KRT73: variants seen among roughly 807,000 people sequenced by gnomAD.
The protein encoded by KRT73 is keratin, type II cytoskeletal 73.
KRT73 carries 44 observed loss-of-function variants against 47.2 expected under a neutral mutation model. The ratio of observed to expected loss-of-function variants is 0.93; its 90% CI spans 0.73 to 1.20. The LOEUF (loss-of-function observed/expected upper bound fraction) is 1.20. KRT73 is among the 50% of genes most tolerant of loss of function. The probability of loss-of-function intolerance (pLI) is 0.00; values close to 1 mark genes in which losing one functional copy is unlikely to be tolerated. For missense variants in KRT73, 713 were observed against 704.5 expected, an observed-to-expected ratio of 1.01 and a Z score of -0.14; for synonymous variants, 285 against 291.3, an observed-to-expected ratio of 0.98 and a Z score of 0.22.
In KRT73 at chr12:52,618,064, C is replaced by T; in HGVS notation, c.447+14G>A. On this transcript the variant is annotated intron_variant, in intron 1 of 8. Coordinates refer to ENST00000305748, the MANE Select transcript of KRT73 (RefSeq NM_175068.3). ...AAGGGGAGCCCAAGATCAGCTTTCT[C>T]CAGAAAGACCCACCTTGTCAATGAA... is the stretch of plus-strand genomic sequence containing the variant. 1.9e-6 allele frequency: 3 copies of T among 1,612,216 alleles called. No homozygotes were observed. The highest frequency in any genetic ancestry group is 1.1e-5 in the South Asian group (1 of 90,708).
upstream of KRT73, among the ~76,000 whole-genome samples, chr12:52,620,491 G>A (rs1940889116): frequency 6.6e-6 from 1 of 152,150 alleles, no homozygotes. Context: ...TAGTATTCCA[G>A]CCAGAATCAC....
In KRT73 at chr12:52,616,330, C is replaced by A. The variant is rs151331642; in HGVS notation, c.498G>T (p.Leu166=). ...QNQVLETKWE[L]LQQLDLNNCK... ...AGTTGTTCAGGTCCAGCTGCTGTAG[C>A]AGCTCCCACTTGGTCTCCAGCACCT... The change falls in exon 2 of 9, where the codon CTG becomes CTT. Residue 166 remains leucine, a synonymous_variant. Coordinates refer to ENST00000305748, the MANE Select transcript of KRT73 (RefSeq NM_175068.3). 1.2e-6 allele frequency: 2 copies of A among 1,614,208 alleles called. No homozygotes were observed. The highest frequency in any genetic ancestry group is 1.7e-6 in the Non-Finnish European group (2 of 1,180,044).
chr12:52,624,138 A>AAAAAG, the KRT73 span, among the ~76,000 whole-genome samples: 42 of 152,240 alleles, frequency 2.8e-4, 1 homozygote, highest in East Asian at 7.5e-3. Flanking sequence ...AAGCAAAAAA[A>AAAAAG]TTATGAGACA....
At chr12:52,624,953 C>CA in the KRT73 span, among the ~76,000 whole-genome samples, 1 of 144,506 alleles carries the variant, frequency 6.9e-6, no homozygotes, top group Non-Finnish European at 1.5e-5. Flanking sequence ...AAAAATAAAA[C>CA]AAAAAATCTT....
intron 6 of KRT73, 30 bp downstream of exon 6, chr12:52,611,174 G>A: frequency 6.2e-7 from 1 of 1,613,374 alleles, no homozygotes; most frequent in Middle Eastern, 1.7e-4. Context: ...TCCCTTAGGA[G>A]TGAGTAAGGA....
rs749593083 is a variant in KRT73 at position 52,610,667 on chromosome 12, G to C, written c.1279C>G (p.Leu427Val). 3.7e-6 allele frequency: 6 copies of C among 1,613,566 alleles called. No homozygotes were observed. In the Admixed American group the frequency reaches 5.0e-5, roughly 13 times the overall value. ...YQELLSVKLS[L>V]DIEIATYRKL... ...CGGTAGGTGGCGATCTCAATATCCA[G>C]GGACAGCTTCACGCTCAAAAGCTCT... The change falls in exon 7 of 9, where the codon CTG becomes GTG. Residue 427 changes from leucine to valine, a missense_variant. Physicochemically the swap from Leu to Val is conservative, Grantham distance 32. Transcript: ENST00000305748.
At chr12:52,620,221 C>T (rs1244397957), upstream of KRT73, among the ~76,000 whole-genome samples, 2 of 141,884 alleles carry the variant, frequency 1.4e-5, no homozygotes, top group East Asian at 4.3e-4. Flanking sequence ...TCAAGGGATT[C>T]TCCTGCCTCA....
At chr12:52,608,741 C>T (rs940041453) in intron 8 of KRT73, among the ~76,000 whole-genome samples, 33 of 152,316 alleles carry the variant, frequency 2.2e-4, no homozygotes, top group African/African-American at 7.5e-4. Flanking sequence ...CCAGCAGGTT[C>T]TTGCATTTAG....
chr12:52,629,858 C>T, the KRT73 span, among the ~76,000 whole-genome samples: 1 of 152,162 alleles, frequency 6.6e-6, no homozygotes, highest in Non-Finnish European at 1.5e-5. Context: ...TCAATCTGTT[C>T]CCCTTGCTCA....
In KRT73 at chr12:52,618,508, G is replaced by A; in HGVS notation, c.17C>T (p.Thr6Ile). The A allele has an allele frequency of 6.2e-7, 1 of 1,602,476 alleles. No homozygotes were observed. Among genetic ancestry groups the A allele is most frequent in the Non-Finnish European group, 8.5e-7 (1 of 1,173,694 alleles). MSRQF[T>I]YKSGAAAKGG... The stretch of plus-strand genomic sequence containing the variant: ...CTTGGCAGCAGCTCCCGACTTGTAG[G>A]TGAATTGGCGGCTCATGGTGGGGAG... The change falls in exon 1 of 9, where the codon ACC (threonine) becomes ATC (isoleucine). Residue 6 changes from threonine (T) to isoleucine (I), a missense_variant. Coordinates refer to ENST00000305748, the MANE Select transcript of KRT73 (RefSeq NM_175068.3).
the KRT73 span, among the ~76,000 whole-genome samples, chr12:52,625,304 G>T: frequency 6.6e-6 from 1 of 152,122 alleles, no homozygotes; most frequent in Admixed American, 6.5e-5. Flanking sequence ...AACAACAAAA[G>T]AACAAGCAAT....
At chr12:52,614,422 G>T in intron 4 of KRT73, 157 bp downstream of exon 4, 3 of 588,298 alleles carry the variant, frequency 5.1e-6, no homozygotes, top group Non-Finnish European at 5.9e-6. Context: ...GGGGCACCAG[G>T]ATAGATGGCC....
intron 6 of KRT73, 183 bp from the exon 7 acceptor site, chr12:52,611,018 C>A: frequency 1.1e-6 from 1 of 940,486 alleles, no homozygotes. Context: ...GGCCCCACAG[C>A]TTTATGAAAA....
the KRT73 span, among the ~76,000 whole-genome samples, chr12:52,625,568 C>T: frequency 6.6e-6 from 1 of 152,046 alleles, no homozygotes; most frequent in Non-Finnish European, 1.5e-5. Context: ...CTCTGGAAAA[C>T]AGTTTAGCAG....
intron 3 of KRT73, 37 bp downstream of exon 3, chr12:52,615,242 G>T (rs773155782): frequency 8.1e-5 from 129 of 1,583,634 alleles, no homozygotes; most frequent in Middle Eastern, 1.7e-4. Flanking sequence ...AGCACCCACT[G>T]CTGGGGGACT....
intron 1 of KRT73, 65 bp from the exon 2 acceptor site, chr12:52,616,445 C>A: frequency 6.3e-7 from 1 of 1,589,032 alleles, no homozygotes; most frequent in Non-Finnish European, 8.6e-7. Context: ...CCTTCCTGGA[C>A]AGGAACTGTG....
At chr12:52,624,068 T>G in the KRT73 span, among the ~76,000 whole-genome samples, 1 of 151,956 alleles carries the variant, frequency 6.6e-6, no homozygotes, top group Non-Finnish European at 1.5e-5. Flanking sequence ...CTATATGCTA[T>G]CTCCAAAAAC....
chr12:52,629,391 C>T, the KRT73 span, among the ~76,000 whole-genome samples: 12 of 138,848 alleles, frequency 8.6e-5, no homozygotes, highest in East Asian at 2.5e-3. Context: ...GCCCTGAAGG[C>T]AGGGTCTCCC....
In KRT73 at chr12:52,614,562, G is replaced by A. The variant is rs1443270588; in HGVS notation, c.819+17C>T. On this transcript the variant is annotated intron_variant, in intron 4 of 8. Transcript: ENST00000305748. Reference sequence around the variant, plus strand: ...TTCCAGAAGACAGAGCCAGAGGTGGGGCAGGGGGAGCCTTACCCCCTCGTA... The same window carrying A: ...TTCCAGAAGACAGAGCCAGAGGTGGAGCAGGGGGAGCCTTACCCCCTCGTA... The A allele has an allele frequency of 6.2e-7, 1 of 1,601,486 alleles. No individual in the cohort carries two copies. Among genetic ancestry groups the A allele is most frequent in the Non-Finnish European group, 8.5e-7 (1 of 1,170,458 alleles).
Sources: gnomAD v4.1 joint callset for allele counts (sites outside exome capture counted in the v4.1 genomes callset) on GRCh38, gnomAD v4.1.1 for gene constraint, MANE v1.5 for transcripts, NCBI Gene and HGNC (gene_info 2026-07-23, HGNC 2026-07-21) for gene names.